The following TGFBR3 variants were observed in gnomAD, a reference collection of about 807,000 sequenced individuals.
The protein encoded by TGFBR3 is transforming growth factor beta receptor 3, also known as transforming growth factor beta receptor type 3.
A neutral mutation model predicts 87.9 loss-of-function variants in TGFBR3; 46 were observed. That is an observed-to-expected ratio of 0.52 (90% CI 0.41 to 0.67). TGFBR3 has a LOEUF of 0.67. Ranked by LOEUF, TGFBR3 falls within the 30% of genes least tolerant of loss-of-function variation. The pLI is 0.00. For synonymous variants in TGFBR3, 381 were observed against 391.6 expected, an observed-to-expected ratio of 0.97 and a Z score of 0.32; for missense variants, 866 against 1,041.9, an observed-to-expected ratio of 0.83 and a Z score of 2.32.
At chr1:91,818,298 T>C (rs1676317139) in intron 2 of TGFBR3, among the ~76,000 whole-genome samples, 2 of 19,316 alleles carry the variant, frequency 1.0e-4, no homozygotes, top group Non-Finnish European at 9.8e-5. Flanking sequence ...TTTTTTTTTT[T>C]TTTTTTTTTT....
chr1:91,759,524 G>C (rs1276349646), intron 3 of TGFBR3, among the ~76,000 whole-genome samples: 2 of 152,068 alleles, frequency 1.3e-5, no homozygotes, highest in African/African-American at 4.8e-5. Context: ...TGTGAATGGA[G>C]CTGCAAACCA....
At chr1:91,698,260 G>A (rs1223078893) in intron 14 of TGFBR3, 130 bp from the exon 15 acceptor site, 1 of 814,226 alleles carries the variant, frequency 1.2e-6, no homozygotes, top group Non-Finnish European at 2.1e-6. Context: ...CTCTGTCAAT[G>A]ATCCTCTTTA....
At chr1:91,747,146 C>T (rs10493860) in intron 4 of TGFBR3, among the ~76,000 whole-genome samples, 23,874 of 152,168 alleles carry the variant, frequency 0.16, 1,995 homozygotes, top group East Asian at 0.25. Context: ...CAGATTCAAA[C>T]TGTCTGCTGG....
intron 12 of TGFBR3, among the ~76,000 whole-genome samples, chr1:91,714,333 G>T (rs1672086281): frequency 6.6e-6 from 1 of 152,004 alleles, no homozygotes; most frequent in South Asian, 2.1e-4. Context: ...AAAATTTTGG[G>T]TTATTAACAA....
chr1:91,900,398 A>C (rs1398341258), intron 1 of TGFBR3, among the ~76,000 whole-genome samples: 1 of 152,168 alleles, frequency 6.6e-6, no homozygotes, highest in Non-Finnish European at 1.5e-5. Context: ...ACAGGTGTGA[A>C]TCACCACGCC....
chr1:91,858,655 T>C (rs1479634083), intron 2 of TGFBR3, among the ~76,000 whole-genome samples: 1 of 150,134 alleles, frequency 6.7e-6, no homozygotes, highest in Non-Finnish European at 1.5e-5. Context: ...TCTTCTTCAT[T>C]CATTTGATCT....
intron 1 of TGFBR3, among the ~76,000 whole-genome samples, chr1:91,881,842 A>G (rs1433738531): frequency 6.6e-6 from 1 of 151,986 alleles, no homozygotes; most frequent in Non-Finnish European, 1.5e-5. Flanking sequence ...GATCAAGACC[A>G]TCGGGGCTAA....
intron 2 of TGFBR3, among the ~76,000 whole-genome samples, chr1:91,824,416 G>A (rs1415344630): frequency 6.6e-6 from 1 of 152,158 alleles, no homozygotes; most frequent in Non-Finnish European, 1.5e-5. Flanking sequence ...TAAATCAAGA[G>A]GAAAGATGTG....
chr1:91,844,692 A>G (rs1677406978), intron 2 of TGFBR3, among the ~76,000 whole-genome samples: 1 of 152,228 alleles, frequency 6.6e-6, no homozygotes, highest in South Asian at 2.1e-4. Flanking sequence ...CAATTTAACT[A>G]TCAGTTGTAA....
chr1:91,792,635 A>G (rs747773101), intron 3 of TGFBR3, among the ~76,000 whole-genome samples: 1 of 152,226 alleles, frequency 6.6e-6, no homozygotes, highest in Non-Finnish European at 1.5e-5. Flanking sequence ...CCAGCAACTA[A>G]TGAAAGTATG....
At chr1:91,701,205 GA>G (rs1671608348) in intron 14 of TGFBR3, among the ~76,000 whole-genome samples, 1 of 152,016 alleles carries the variant, frequency 6.6e-6, no homozygotes. Flanking sequence ...GAGCTAAACA[GA>G]AACAGTTGTT....
chr1:91,777,277 T>A (rs1344912321), intron 3 of TGFBR3, among the ~76,000 whole-genome samples: 1 of 152,202 alleles, frequency 6.6e-6, no homozygotes, highest in African/African-American at 2.4e-5. Context: ...ACAATTCACC[T>A]GGCTTTGAAG....
intron 2 of TGFBR3, among the ~76,000 whole-genome samples, chr1:91,898,141 A>T (rs1272328956): frequency 6.6e-6 from 1 of 151,890 alleles, no homozygotes; most frequent in African/African-American, 2.4e-5. Context: ...GCCCCCTTGC[A>T]CTCCCCTCAA....
rs1392156430 is a variant in TGFBR3 at position 91,712,257 on chromosome 1, G to T, written c.2152C>A (p.Gln718Lys). ...TLCTKMEKHP[Q>K]KLPKCVPPDE... ...GGCCCACAAACCTTAGGCAACTTCT[G>T]GGGGTGCTTCTCCATCTTCGTACAC... is the stretch of plus-strand genomic sequence containing the variant. The change falls in exon 13 of 17, where the codon CAG becomes AAG. Residue 718 changes from glutamine to lysine, a missense_variant. By Grantham distance (53) the Gln-to-Lys change is moderately conservative (BLOSUM62 1). Transcript: ENST00000212355. 6.2e-6 allele frequency: 10 copies of T among 1,613,970 alleles called. No homozygotes were observed. Among genetic ancestry groups the T allele is most frequent in the Non-Finnish European group, 7.6e-6 (9 of 1,179,998 alleles).
intron 14 of TGFBR3, among the ~76,000 whole-genome samples, chr1:91,701,516 T>C (rs1209804141): frequency 6.6e-6 from 1 of 152,196 alleles, no homozygotes; most frequent in Non-Finnish European, 1.5e-5. Context: ...TAAAGATTTC[T>C]TTACAGAAAG....
intron 2 of TGFBR3, among the ~76,000 whole-genome samples, chr1:91,832,732 G>T (rs1182473168): frequency 6.6e-6 from 1 of 152,186 alleles, no homozygotes; most frequent in Admixed American, 6.5e-5. Flanking sequence ...GTCACGCATG[G>T]TGGCTCACAC....
At chr1:91,707,365 C>T (rs1333378556) in intron 14 of TGFBR3, among the ~76,000 whole-genome samples, 4 of 152,218 alleles carry the variant, frequency 2.6e-5, no homozygotes, top group African/African-American at 7.2e-5. Flanking sequence ...AATGGCACAG[C>T]TGTTTTCACA....
rs2100787739 is a variant in TGFBR3 at position 91,722,027 on chromosome 1, C to G, written c.1003G>C (p.Gly335Arg). Residue 335 changes from glycine to arginine, a missense_variant, in exon 8 of 17, where the codon GGC becomes CGC. By Grantham distance (125) the Gly-to-Arg change is moderately radical. Coordinates refer to ENST00000212355, the MANE Select transcript of TGFBR3 (RefSeq NM_003243.5). ...GTGTATGAAGTTATTGGACTATAGC[C>G]ATTGTCCAAAGCCCACTTCACCAGA... is the stretch of plus-strand genomic sequence containing the variant. ...GNLVKWALDN[G>R]YSPITSYTMA... is the part of the protein sequence containing the mutation. The G allele has an allele frequency of 6.2e-7, 1 of 1,613,582 alleles. No homozygotes were observed. Among genetic ancestry groups the G allele is most frequent in the Non-Finnish European group, 8.5e-7 (1 of 1,179,776 alleles).
intron 4 of TGFBR3, among the ~76,000 whole-genome samples, chr1:91,753,185 A>C (rs1673614900): frequency 6.6e-6 from 1 of 151,844 alleles, no homozygotes; most frequent in Non-Finnish European, 1.5e-5. Context: ...CAGGAGTTTG[A>C]GATTAGCCTG....
Sources: allele counts gnomAD v4.1 joint callset (sites outside exome capture counted in the v4.1 genomes callset), GRCh38; gene constraint gnomAD v4.1.1; transcripts MANE v1.5; gene names NCBI Gene and HGNC (gene_info 2026-07-23, HGNC 2026-07-21).